Variants in POR observed in about 807,000 individuals in gnomAD.
The protein encoded by POR is cytochrome p450 oxidoreductase.
Under a neutral mutation model 84.0 loss-of-function variants are expected in POR, and 56 were observed. That is an observed-to-expected ratio of 0.67 (90% CI 0.54 to 0.83). POR has a LOEUF of 0.83. POR is among the 40% of genes least tolerant of loss of function. The pLI, the probability that POR is intolerant of heterozygous loss-of-function variation, is 0.00. For missense variants in POR, 938 were observed against 944.3 expected (o/e 0.99, Z 0.09); for synonymous variants, 414 against 400.5 (o/e 1.03, Z -0.40).
At chr7:75,942,500 A>C (rs1786966014) in intron 1 of POR, among the ~76,000 whole-genome samples, 1 of 150,072 alleles carries the variant, frequency 6.7e-6, no homozygotes, top group Admixed American at 6.6e-5. Flanking sequence ...GCCTTTTTGC[A>C]TTATTGCATT....
intron 1 of POR, among the ~76,000 whole-genome samples, chr7:75,939,585 G>T (rs2116329624): frequency 1.6e-5 from 2 of 125,002 alleles, no homozygotes; most frequent in East Asian, 2.4e-4. Context: ...AGTCTTCAAA[G>T]AACCTCTTTA....
chr7:75,917,288 G>A (rs1444947479), intron 1 of POR, among the ~76,000 whole-genome samples: 3 of 151,512 alleles, frequency 2.0e-5, no homozygotes, highest in Non-Finnish European at 2.9e-5. Context: ...GGCTGGTCTC[G>A]AATTCTGGGG....
At chr7:75,960,270 G>A (rs1001194042) in intron 2 of POR, among the ~76,000 whole-genome samples, 6 of 151,634 alleles carry the variant, frequency 4.0e-5, no homozygotes, top group East Asian at 1.9e-4. Context: ...CAGCCTGGGC[G>A]ACAGAGCAAG....
intron 1 of POR, among the ~76,000 whole-genome samples, chr7:75,920,118 T>G (rs1486379294): frequency 7.4e-6 from 1 of 135,338 alleles, no homozygotes; most frequent in Non-Finnish European, 1.5e-5. Context: ...TAGGCTGGAG[T>G]GCAGTGGTGT....
At chr7:75,929,020 G>A (rs1277956230) in intron 1 of POR, among the ~76,000 whole-genome samples, 1 of 152,118 alleles carries the variant, frequency 6.6e-6, no homozygotes, top group Non-Finnish European at 1.5e-5. Context: ...TGTCTTCCTT[G>A]TAAGACAACA....
At chr7:75,967,841 C>T in intron 2 of POR, 2 of 346,036 alleles carry the variant, frequency 5.8e-6, no homozygotes, top group Non-Finnish European at 5.8e-6. Flanking sequence ...TGCTGGGGCT[C>T]CAGATGTTGC....
intron 1 of POR, among the ~76,000 whole-genome samples, chr7:75,927,058 T>C (rs977646475): frequency 2.0e-5 from 3 of 152,178 alleles, no homozygotes; most frequent in Admixed American, 1.3e-4. Context: ...GGCAGACAGA[T>C]GGTTGATAGA....
chr7:75,939,287 G>A (rs1474907753), intron 1 of POR, among the ~76,000 whole-genome samples: 2 of 152,356 alleles, frequency 1.3e-5, no homozygotes, highest in South Asian at 2.1e-4. Context: ...GTGGGATTAG[G>A]AGCCTGCCTG....
chr7:75,941,643 A>G (rs1418366552), intron 1 of POR, among the ~76,000 whole-genome samples: 3 of 152,176 alleles, frequency 2.0e-5, no homozygotes, highest in African/African-American at 7.2e-5. Flanking sequence ...AGGATGTTAT[A>G]TATAATGAGA....
chr7:75,920,684 G>A (rs1806814153), intron 1 of POR, among the ~76,000 whole-genome samples: 1 of 152,034 alleles, frequency 6.6e-6, no homozygotes, highest in African/African-American at 2.4e-5. Flanking sequence ...ATCTTCGTGG[G>A]CATGCATCAT....
At chr7:75,924,241 AAAG>A (rs528524157) in intron 1 of POR, among the ~76,000 whole-genome samples, 3 of 152,242 alleles carry the variant, frequency 2.0e-5, no homozygotes, top group Non-Finnish European at 4.4e-5. Flanking sequence ...CTGCAAAAAA[AAAG>A]AAAAGAAAAA....
At chr7:75,962,574 A>G (rs1554554660) in intron 2 of POR, among the ~76,000 whole-genome samples, 1 of 152,160 alleles carries the variant, frequency 6.6e-6, no homozygotes, top group African/African-American at 2.4e-5. Context: ...AAGTGCTAGG[A>G]TTAGGATTAC....
intron 1 of POR, chr7:75,922,855 CT>C: frequency 1.8e-6 from 1 of 566,448 alleles, no homozygotes. Flanking sequence ...AAAGTAGGCA[CT>C]TTTGGCAAAG....
At position 75,983,864 on chromosome 7, in the gene POR, C is replaced by T. The variant is rs1192823125; in HGVS notation, c.1066+8C>T. 2.5e-6 allele frequency: 4 copies of T among 1,593,882 alleles called. No individual in the cohort carries two copies. The highest frequency in any genetic ancestry group is 3.4e-6 in the Non-Finnish European group (4 of 1,169,096). On this transcript the variant is annotated splice_region_variant and intron_variant, in intron 10 of 15. Coordinates refer to ENST00000461988, the MANE Select transcript of POR (RefSeq NM_000941.3). The stretch of plus-strand genomic sequence containing the variant: ...CCCTGAACAACCTGGATGGTGAGTG[C>T]CACAGTCAGGGCGCCCTGCCGGGCT...
chr7:75,972,086 T>C (rs992723264), intron 2 of POR, among the ~76,000 whole-genome samples: 12 of 152,056 alleles, frequency 7.9e-5, no homozygotes, highest in Admixed American at 4.6e-4. Flanking sequence ...AGTGGAAACC[T>C]TGGCTCTTCC....
At chr7:75,969,774 T>A (rs1186100043) in intron 2 of POR, among the ~76,000 whole-genome samples, 1 of 152,168 alleles carries the variant, frequency 6.6e-6, no homozygotes, top group Non-Finnish European at 1.5e-5. Flanking sequence ...AACTCAGGGC[T>A]GGCCACCCTA....
intron 10 of POR, 30 bp downstream of exon 10, chr7:75,983,886 G>A: frequency 6.5e-7 from 1 of 1,542,388 alleles, no homozygotes. Context: ...CGCCCTGCCG[G>A]GCTCAGGCAG....
intron 2 of POR, among the ~76,000 whole-genome samples, chr7:75,964,057 T>C (rs1554554855): frequency 6.6e-6 from 1 of 151,874 alleles, no homozygotes; most frequent in Non-Finnish European, 1.5e-5. Flanking sequence ...TGGAGTTCAG[T>C]GGCACAATCT....
intron 1 of POR, among the ~76,000 whole-genome samples, chr7:75,927,982 T>C (rs1807225073): frequency 6.8e-6 from 1 of 148,038 alleles, no homozygotes; most frequent in Admixed American, 6.7e-5. Context: ...TTTTTTTTTT[T>C]TTTTTTTGAG....
Sources: allele counts gnomAD v4.1 joint callset (sites outside exome capture counted in the v4.1 genomes callset), GRCh38; gene constraint gnomAD v4.1.1; transcripts MANE v1.5; gene names NCBI Gene and HGNC (gene_info 2026-07-23, HGNC 2026-07-21).